The following FLI1 variants were observed in gnomAD, a reference collection of about 807,000 sequenced individuals.
The protein encoded by FLI1 is Friend leukemia integration 1 transcription factor.
FLI1 carries 13 observed loss-of-function variants against 53.1 expected under a neutral mutation model. The ratio of observed to expected loss-of-function variants is 0.24; its 90% CI spans 0.16 to 0.39. FLI1 has a LOEUF of 0.39. FLI1 is among the 10% of genes least tolerant of loss of function. The probability of loss-of-function intolerance (pLI) is 1.00; values close to 1 mark genes in which losing one functional copy is unlikely to be tolerated. For synonymous variants in FLI1, 244 were observed against 236.7 expected (o/e 1.03, Z -0.28); for missense variants, 424 against 600.5 (o/e 0.71, Z 3.07).
At chr11:128,693,881 TGGG>T (rs55635129), upstream of FLI1, 1 of 211,962 alleles carries the variant, frequency 4.7e-6, no homozygotes, top group East Asian at 6.7e-5. Context: ...AGAGGGGGTG[TGGG>T]GGGGGAGGGA....
chr11:128,688,039 G>T (rs1043140610), intron 1 of FLI1, among the ~76,000 whole-genome samples: 1 of 152,142 alleles, frequency 6.6e-6, no homozygotes, highest in African/African-American at 2.4e-5. Flanking sequence ...AAGAGTACTC[G>T]GGTACTCCCA....
At chr11:128,714,260 T>TG (rs1938913146) in intron 1 of FLI1, among the ~76,000 whole-genome samples, 1 of 149,248 alleles carries the variant, frequency 6.7e-6, no homozygotes. Flanking sequence ...CTCTGGAAGA[T>TG]GCGCTGGCTG....
At chr11:128,702,063 C>T (rs183449388) in intron 1 of FLI1, among the ~76,000 whole-genome samples, 1 of 152,290 alleles carries the variant, frequency 6.6e-6, no homozygotes, top group East Asian at 1.9e-4. Context: ...TAAGTTACTG[C>T]TGTTACAGTC....
chr11:128,803,744 C>T (rs767169682), intron 5 of FLI1: 1 of 152,270 alleles, frequency 6.6e-6, no homozygotes, highest in Non-Finnish European at 1.5e-5. Flanking sequence ...GCAGCAGCCT[C>T]CTCCTGCTCA....
chr11:128,727,634 G>A (rs1294351385), intron 1 of FLI1, among the ~76,000 whole-genome samples: 1 of 152,216 alleles, frequency 6.6e-6, no homozygotes, highest in Non-Finnish European at 1.5e-5. Flanking sequence ...TGAGAAGGAG[G>A]TGCATTCAGC....
chr11:128,792,977 G>A (rs1244323633), intron 5 of FLI1, among the ~76,000 whole-genome samples: 2 of 152,010 alleles, frequency 1.3e-5, no homozygotes, highest in African/African-American at 4.8e-5. Flanking sequence ...AAGTAGCCAG[G>A]TGTAGTGGTG....
At chr11:128,726,632 G>A (rs1021014735) in intron 1 of FLI1, among the ~76,000 whole-genome samples, 5 of 151,468 alleles carry the variant, frequency 3.3e-5, no homozygotes, top group African/African-American at 9.7e-5. Flanking sequence ...GTTGGGCGGT[G>A]CCCTCTTTTG....
intron 2 of FLI1, among the ~76,000 whole-genome samples, chr11:128,763,861 TTC>T (rs1324425988): frequency 1.3e-5 from 2 of 152,234 alleles, no homozygotes; most frequent in African/African-American, 2.4e-5. Flanking sequence ...GCTTTTTCTT[TTC>T]TTGGAATTTG....
In FLI1 at chr11:128,812,569, G is replaced by A. The variant is rs1591395208; in HGVS notation, c.*1581G>A. 4.5e-6 allele frequency: 1 copy of A among 223,970 alleles called. No homozygotes were observed. The highest frequency in any genetic ancestry group is 8.9e-6 in the Non-Finnish European group (1 of 112,128). 13.9% of individuals were successfully genotyped at this position (223,970 alleles called of 1,614,324 possible). A position where few individuals can be genotyped will look rare whatever the true frequency, so the allele number is the denominator to read the frequency against. On this transcript the variant is annotated 3_prime_UTR_variant, in exon 9 of 9. Transcript: ENST00000527786. The stretch of plus-strand genomic sequence containing the variant: ...TAAAAAATCAGTGTGGTTTTTCATT[G>A]TTGTTGATGATGTTTGTAGTGTTTT...
At chr11:128,716,029 G>A (rs13377434) in intron 1 of FLI1, among the ~76,000 whole-genome samples, 13,926 of 152,244 alleles carry the variant, frequency 0.091, 1,304 homozygotes, top group African/African-American at 0.23. Context: ...TTCATCTGGG[G>A]AAGCATTTGC....
intron 7 of FLI1, among the ~76,000 whole-genome samples, chr11:128,808,412 C>A (rs575407866): frequency 6.6e-6 from 1 of 152,294 alleles, no homozygotes; most frequent in East Asian, 1.9e-4. Flanking sequence ...AACCTCTCAC[C>A]TAAACCAGTA....
upstream of FLI1, chr11:128,686,416 C>T (rs1565446964): frequency 2.2e-6 from 1 of 456,066 alleles, no homozygotes; most frequent in Non-Finnish European, 4.4e-6. Flanking sequence ...GCTCTCAGTT[C>T]TCACCGTCCC....
chr11:128,733,972 T>A (rs1402599904), intron 1 of FLI1, among the ~76,000 whole-genome samples: 1 of 152,200 alleles, frequency 6.6e-6, no homozygotes, highest in Non-Finnish European at 1.5e-5. Flanking sequence ...GAGCACATGA[T>A]TATGACCGGG....
At chr11:128,706,214 C>G (rs935727924) in intron 1 of FLI1, among the ~76,000 whole-genome samples, 16 of 152,124 alleles carry the variant, frequency 1.1e-4, no homozygotes, top group Non-Finnish European at 1.6e-4. Context: ...TAGAAACATG[C>G]GTATAGGAGA....
chr11:128,768,746 T>TGCCC (rs375305160), intron 3 of FLI1, among the ~76,000 whole-genome samples: 3 of 150,646 alleles, frequency 2.0e-5, no homozygotes, highest in Non-Finnish European at 4.4e-5. Context: ...AGCTGCCCTT[T>TGCCC]AAGGCAGTAT....
chr11:128,712,793 A>G (rs907709983), intron 1 of FLI1, among the ~76,000 whole-genome samples: 1 of 152,142 alleles, frequency 6.6e-6, no homozygotes, highest in Non-Finnish European at 1.5e-5. Flanking sequence ...CAGAGCCAAA[A>G]CATATCATAC....
chr11:128,764,605 T>C (rs1941256976), intron 2 of FLI1: 1 of 1,513,478 alleles, frequency 6.6e-7, no homozygotes, highest in Admixed American at 2.0e-5. Flanking sequence ...CAAAACCTCG[T>C]CCCGCACTCC....
intron 1 of FLI1, among the ~76,000 whole-genome samples, chr11:128,725,280 G>T (rs996420371): frequency 6.6e-6 from 1 of 152,210 alleles, no homozygotes; most frequent in Non-Finnish European, 1.5e-5. Flanking sequence ...CTCAATCAAG[G>T]TCTTCCTGTA....
chr11:128,753,227 T>C (rs1940723380), intron 1 of FLI1, among the ~76,000 whole-genome samples: 1 of 152,166 alleles, frequency 6.6e-6, no homozygotes, highest in Non-Finnish European at 1.5e-5. Context: ...GGGTTCCTTT[T>C]ACAGAGACAA....
Sources: allele counts gnomAD v4.1 joint callset (sites outside exome capture counted in the v4.1 genomes callset), GRCh38; gene constraint gnomAD v4.1.1; transcripts MANE v1.5; gene names NCBI Gene and HGNC (gene_info 2026-07-23, HGNC 2026-07-21).